Variants in FRMPD4 observed in about 807,000 individuals in gnomAD.
The protein encoded by FRMPD4 is FERM and PDZ domain containing 4.
Under a neutral mutation model 94.1 loss-of-function variants are expected in FRMPD4, and 22 were observed. The observed-to-expected ratio is 0.23, with a 90% CI of 0.17 to 0.33. The LOEUF is 0.33. Among genes scored for constraint, FRMPD4 ranks in the 10% least tolerant of loss-of-function variants. The pLI, the probability that FRMPD4 is intolerant of heterozygous loss-of-function variation, is 1.00. For missense variants in FRMPD4, 1,111 were observed against 1,339.9 expected (o/e 0.83, Z 2.67); for synonymous variants, 631 against 548.6 (o/e 1.15, Z -2.10).
intron 3 of FRMPD4, among the ~76,000 whole-genome samples, chrX:11,954,947 C>G (rs5935206): frequency 0.055 from 6,085 of 110,595 alleles, 225 homozygotes; most frequent in East Asian, 0.23. Context: ...GTGTCTTAGT[C>G]CATTCAGGCT....
chrX:12,115,977 T>C (rs1385149406), intron 3 of FRMPD4, among the ~76,000 whole-genome samples: 1 of 112,236 alleles, frequency 8.9e-6, no homozygotes, highest in Non-Finnish European at 1.9e-5. Flanking sequence ...GCCACTAACA[T>C]CCCGATTATA....
At chrX:11,966,499 A>G (rs1488417103) in intron 3 of FRMPD4, among the ~76,000 whole-genome samples, 1 of 110,948 alleles carries the variant, frequency 9.0e-6, no homozygotes, top group African/African-American at 3.3e-5. Context: ...AGTCTAAAGT[A>G]TTTTATTATA....
chrX:11,991,899 AGC>A (rs2054466852), intron 3 of FRMPD4, among the ~76,000 whole-genome samples: 1 of 112,132 alleles, frequency 8.9e-6, no homozygotes, highest in African/African-American at 3.2e-5. Flanking sequence ...TATGCATTAC[AGC>A]GACTCCGAAG....
At chrX:11,979,555 A>G (rs2054386531) in intron 3 of FRMPD4, among the ~76,000 whole-genome samples, 1 of 111,863 alleles carries the variant, frequency 8.9e-6, no homozygotes, top group South Asian at 3.7e-4. Flanking sequence ...CAAATTTTTA[A>G]TTGTTGCCAA....
intron 3 of FRMPD4, among the ~76,000 whole-genome samples, chrX:12,089,763 A>G (rs958698318): frequency 2.7e-5 from 3 of 112,229 alleles, no homozygotes; most frequent in African/African-American, 9.7e-5. Flanking sequence ...GTGTCAACCA[A>G]TGAAGTTTTT....
intron 3 of FRMPD4, among the ~76,000 whole-genome samples, chrX:12,025,002 C>A (rs755929494): frequency 6.6e-4 from 74 of 111,648 alleles, no homozygotes; most frequent in Middle Eastern, 9.2e-3. Context: ...GCATCTTATT[C>A]TGCCTCTCTG....
At chrX:12,559,734 A>G (rs2058633704) in intron 2 of FRMPD4, among the ~76,000 whole-genome samples, 1 of 111,191 alleles carries the variant, frequency 9.0e-6, no homozygotes, top group Non-Finnish European at 1.9e-5. Flanking sequence ...AAATATTTTT[A>G]TTTAATAAAA....
intron 4 of FRMPD4, among the ~76,000 whole-genome samples, chrX:12,645,108 T>A (rs891349082): frequency 3.6e-5 from 4 of 111,048 alleles, no homozygotes; most frequent in Middle Eastern, 4.6e-3. Flanking sequence ...TATAATTGTG[T>A]CTTATGGTAT....
At chrX:12,465,498 C>T (rs1212208048) in intron 1 of FRMPD4, among the ~76,000 whole-genome samples, 3 of 111,161 alleles carry the variant, frequency 2.7e-5, no homozygotes, top group South Asian at 3.9e-4. Flanking sequence ...CAAAACAGAG[C>T]CTTTCCAAGC....
At chrX:12,360,629 T>C (rs986337239) in intron 1 of FRMPD4, among the ~76,000 whole-genome samples, 4 of 111,765 alleles carry the variant, frequency 3.6e-5, no homozygotes, top group Non-Finnish European at 5.6e-5. Flanking sequence ...TTCCTTCTTA[T>C]CTTCCCACAA....
intron 4 of FRMPD4, among the ~76,000 whole-genome samples, chrX:12,669,092 C>T (rs1326101065): frequency 9.0e-6 from 1 of 111,581 alleles, no homozygotes; most frequent in South Asian, 3.8e-4. Flanking sequence ...GTAAAGGTGA[C>T]GGGATGTCCA....
chrX:12,456,967 T>C (rs1324922751), intron 1 of FRMPD4, among the ~76,000 whole-genome samples: 1 of 112,196 alleles, frequency 8.9e-6, no homozygotes, highest in African/African-American at 3.2e-5. Flanking sequence ...ATTTTGACCC[T>C]ATTTGTGATT....
At chrX:12,642,483 G>A (rs995191122) in intron 4 of FRMPD4, among the ~76,000 whole-genome samples, 5 of 112,506 alleles carry the variant, frequency 4.4e-5, no homozygotes, top group Non-Finnish European at 7.5e-5. Flanking sequence ...GGAAAGAGGT[G>A]TGAAAAGACT....
intron 1 of FRMPD4, among the ~76,000 whole-genome samples, chrX:12,490,891 C>A (rs769277707): frequency 3.6e-5 from 4 of 109,670 alleles, no homozygotes; most frequent in African/African-American, 1.0e-4. Context: ...TAAAGAATTT[C>A]CTCATTCCTT....
intron 1 of FRMPD4, among the ~76,000 whole-genome samples, chrX:12,319,083 G>C (rs768039169): frequency 5.6e-4 from 62 of 111,382 alleles, no homozygotes; most frequent in Non-Finnish European, 1.1e-3. Context: ...AGCCTACACT[G>C]TGTCCCTTGT....
intron 3 of FRMPD4, among the ~76,000 whole-genome samples, chrX:11,896,464 G>A (rs969232809): frequency 1.8e-5 from 2 of 111,501 alleles, no homozygotes; most frequent in Admixed American, 1.9e-4. Context: ...TTATCAAAGA[G>A]ATCCTAGAGA....
chrX:12,650,952 C>T (rs895626340), intron 4 of FRMPD4, among the ~76,000 whole-genome samples: 1 of 112,764 alleles, frequency 8.9e-6, no homozygotes, highest in Non-Finnish European at 1.9e-5. Flanking sequence ...TGCAGGTACC[C>T]GCCTTTGCAG....
At chrX:12,628,929 G>A (rs1207073116) in intron 4 of FRMPD4, among the ~76,000 whole-genome samples, 1 of 112,530 alleles carries the variant, frequency 8.9e-6, no homozygotes, top group Non-Finnish European at 1.9e-5. Context: ...CACAATCATG[G>A]CAGAAGGCAA....
chrX:12,438,756 CT>C (rs1395806767), intron 1 of FRMPD4, among the ~76,000 whole-genome samples: 2 of 111,482 alleles, frequency 1.8e-5, no homozygotes, highest in African/African-American at 6.5e-5. Context: ...TCACGGCTGC[CT>C]TTAAGTCACA....
Sources: allele counts gnomAD v4.1 joint callset (sites outside exome capture counted in the v4.1 genomes callset), GRCh38; gene constraint gnomAD v4.1.1; transcripts MANE v1.5; gene names NCBI Gene and HGNC (gene_info 2026-07-23, HGNC 2026-07-21).